PCCA: variants seen among roughly 807,000 people sequenced by gnomAD.
The protein encoded by PCCA is propionyl-CoA carboxylase alpha chain, mitochondrial.
Under a neutral mutation model 101.3 loss-of-function variants are expected in PCCA, and 74 were observed. The observed-to-expected ratio is 0.73, with a 90% CI of 0.61 to 0.89. The LOEUF is 0.89. Ranked by LOEUF, PCCA falls within the 40% of genes least tolerant of loss-of-function variation. PCCA has a pLI of 0.00. For synonymous variants in PCCA, 294 were observed against 313.6 expected (o/e 0.94, Z 0.66); for missense variants, 891 against 907.0 (o/e 0.98, Z 0.23).
In PCCA at chr13:100,515,552, C is replaced by G. The variant is rs891946343; in HGVS notation, c.2025C>G (p.Val675=). The part of the protein sequence containing the change: ...PMPGVVVAVS[V]KPGDAVAEGQ... ...CCGGAGTGGTGGTGGCCGTCTCTGT[C>G]AAGCCTGGAGACGCGGTAAGGGCTG... is the stretch of plus-strand genomic sequence containing the variant. The change falls in exon 22 of 24, where the codon GTC becomes GTG. Residue 675 remains valine, a synonymous_variant. Transcript: ENST00000376285. 3.1e-6 allele frequency: 5 copies of G among 1,613,858 alleles called. No homozygotes were observed. The African/African-American group carries it at 6.7e-5, about 22-fold the overall frequency.
chr13:100,289,098 A>G (rs547223474), intron 12 of PCCA, among the ~76,000 whole-genome samples: 2 of 152,166 alleles, frequency 1.3e-5, no homozygotes, highest in Non-Finnish European at 2.9e-5. Flanking sequence ...ATTTTTAAAT[A>G]TTTATATACA....
At chr13:100,319,332 T>G (rs2067739747) in intron 16 of PCCA, among the ~76,000 whole-genome samples, 1 of 151,956 alleles carries the variant, frequency 6.6e-6, no homozygotes, top group Non-Finnish European at 1.5e-5. Context: ...AGAAGCTCTT[T>G]AGTTTAATTA....
At chr13:100,108,273 C>T (rs1046191180) in intron 2 of PCCA, among the ~76,000 whole-genome samples, 1 of 152,214 alleles carries the variant, frequency 6.6e-6, no homozygotes, top group Non-Finnish European at 1.5e-5. Flanking sequence ...AGTTATAGAG[C>T]AGCTACTGCC....
chr13:100,496,174 C>G (rs764904821), intron 21 of PCCA, among the ~76,000 whole-genome samples: 1 of 152,188 alleles, frequency 6.6e-6, no homozygotes. Context: ...ATCTACAAAC[C>G]TTTCAAATTT....
intron 18 of PCCA, among the ~76,000 whole-genome samples, chr13:100,342,367 G>A (rs1402474211): frequency 2.0e-5 from 3 of 151,738 alleles, no homozygotes; most frequent in Non-Finnish European, 2.9e-5. Flanking sequence ...GGGTTCAAGC[G>A]ATTCTCCTGC....
chr13:100,186,738 C>CAA (rs376028376), intron 6 of PCCA, among the ~76,000 whole-genome samples: 3 of 84,060 alleles, frequency 3.6e-5, no homozygotes, highest in Admixed American at 1.3e-4. Context: ...GATTCCATCT[C>CAA]AAAAAAAAAA....
At chr13:100,312,048 A>G (rs1248366723) in intron 16 of PCCA, among the ~76,000 whole-genome samples, 1 of 152,168 alleles carries the variant, frequency 6.6e-6, no homozygotes, top group Non-Finnish European at 1.5e-5. Context: ...GATGATCTTT[A>G]TCTTGTTTGT....
intron 8 of PCCA, among the ~76,000 whole-genome samples, chr13:100,252,365 T>G (rs111505582): frequency 0.021 from 3,138 of 152,346 alleles, 124 homozygotes; most frequent in African/African-American, 0.071. Context: ...ATGAGAGATT[T>G]CTGATTAGTA....
chr13:100,262,631 C>T (rs2062599091), intron 9 of PCCA, 98 bp from the exon 10 acceptor site: 1 of 732,290 alleles, frequency 1.4e-6, no homozygotes, highest in Admixed American at 2.1e-5. Flanking sequence ...ATAATGATAG[C>T]TCTATTTGTT....
Position 100,179,092 on chromosome 13 carries a change from AT to A in PCCA, c.468+21753del, listed in dbSNP as rs1370434544. ...ACTCCTTCTCAAAAAAAAAAAAAAAATATATATATATATATATTTGTGCTTG... is the reference window on the plus strand; with the variant it reads ...ACTCCTTCTCAAAAAAAAAAAAAAAAATATATATATATATATTTGTGCTTG... On this transcript the variant is annotated intron_variant, in intron 6 of 23. Coordinates refer to ENST00000376285, the MANE Select transcript of PCCA (RefSeq NM_000282.4). Among the ~76,000 whole-genome samples, 753 of 109,456 alleles carry A rather than the reference AT, an allele frequency of 6.9e-3. 12 individuals are homozygous for A. The highest frequency in any genetic ancestry group is 0.043 in the South Asian group (141 of 3,312). The allele number at this position is 109,456 out of a possible 152,430, so 71.8% of individuals were successfully genotyped here. A position where few individuals can be genotyped will look rare whatever the true frequency, so the allele number is the denominator to read the frequency against.
At chr13:100,525,153 T>C (rs770603329) in intron 22 of PCCA, among the ~76,000 whole-genome samples, 6 of 152,154 alleles carry the variant, frequency 3.9e-5, no homozygotes, top group Non-Finnish European at 8.8e-5. Context: ...GATCTAATTC[T>C]ATGATTCAGT....
chr13:100,405,852 C>A (rs149159992), intron 19 of PCCA, among the ~76,000 whole-genome samples: 2,014 of 149,448 alleles, frequency 0.013, 61 homozygotes, highest in African/African-American at 0.046. Flanking sequence ...CTGCAACCTC[C>A]AACTCCTGGG....
intron 20 of PCCA, among the ~76,000 whole-genome samples, chr13:100,432,867 C>T (rs1377953138): frequency 6.6e-6 from 1 of 152,200 alleles, no homozygotes; most frequent in East Asian, 1.9e-4. Context: ...GGTATGGGTA[C>T]CGCCTATAAA....
intron 16 of PCCA, among the ~76,000 whole-genome samples, chr13:100,310,236 C>A (rs953190503): frequency 2.0e-5 from 3 of 152,096 alleles, no homozygotes; most frequent in Non-Finnish European, 4.4e-5. Flanking sequence ...GTATTTGGGA[C>A]ACACGTTCAG....
At chr13:100,514,192 A>G (rs1249896008) in intron 21 of PCCA, among the ~76,000 whole-genome samples, 1 of 152,164 alleles carries the variant, frequency 6.6e-6, no homozygotes, top group Non-Finnish European at 1.5e-5. Flanking sequence ...TTGATTGCAA[A>G]ACACACACTC....
At chr13:100,190,631 T>A (rs1033129113) in intron 6 of PCCA, among the ~76,000 whole-genome samples, 4 of 152,138 alleles carry the variant, frequency 2.6e-5, no homozygotes, top group Admixed American at 2.0e-4. Context: ...GCCGAGATTG[T>A]GCTATTGCAC....
chr13:100,501,945 G>A (rs2085715174), intron 21 of PCCA, among the ~76,000 whole-genome samples: 2 of 151,988 alleles, frequency 1.3e-5, no homozygotes, highest in Admixed American at 1.3e-4. Context: ...GGGGGGCCTA[G>A]CGGTCTGTGG....
chr13:100,363,976 G>A (rs934027371), intron 18 of PCCA, among the ~76,000 whole-genome samples: 5 of 152,188 alleles, frequency 3.3e-5, no homozygotes, highest in East Asian at 1.9e-4. Flanking sequence ...TAGTTATGTC[G>A]AGCATATTCA....
intron 16 of PCCA, among the ~76,000 whole-genome samples, chr13:100,318,010 C>A (rs1336069279): frequency 1.3e-5 from 2 of 152,174 alleles, no homozygotes; most frequent in Non-Finnish European, 2.9e-5. Flanking sequence ...CATTTTTCAG[C>A]ATATCTCCGC....
Sources: gnomAD v4.1 joint callset for allele counts (sites outside exome capture counted in the v4.1 genomes callset) on GRCh38, gnomAD v4.1.1 for gene constraint, MANE v1.5 for transcripts, NCBI Gene and HGNC (gene_info 2026-07-23, HGNC 2026-07-21) for gene names.